Variants in MALRD1 observed in about 807,000 individuals in gnomAD.
MALRD1 encodes the protein MAM and LDL-receptor class A domain-containing protein 1.
Under a neutral mutation model 242.1 loss-of-function variants are expected in MALRD1, and 247 were observed. The ratio of observed to expected loss-of-function variants is 1.02; its 90% CI spans 0.92 to 1.13. The LOEUF is 1.13. Ranked by LOEUF, MALRD1 falls within the 50% of genes most tolerant of loss-of-function variation. The pLI is 0.00. For missense variants in MALRD1, 2,989 were observed against 2,533.1 expected, an observed-to-expected ratio of 1.18 and a Z score of -3.86; for synonymous variants, 995 against 866.6, an observed-to-expected ratio of 1.15 and a Z score of -2.60.
chr10:19,723,779 A>T (rs989929258), intron 38 of MALRD1, among the ~76,000 whole-genome samples: 1 of 151,370 alleles, frequency 6.6e-6, no homozygotes, highest in African/African-American at 2.4e-5. Context: ...CTTTTGAGCT[A>T]AGTTTTCTTT....
At chr10:19,117,456 T>C (rs1313828918) in intron 5 of MALRD1, among the ~76,000 whole-genome samples, 1 of 152,000 alleles carries the variant, frequency 6.6e-6, no homozygotes, top group East Asian at 1.9e-4. Context: ...GTTTTTTTTT[T>C]TGTCTTGTGT....
intron 31 of MALRD1, among the ~76,000 whole-genome samples, chr10:19,522,939 C>G (rs913547193): frequency 2.6e-5 from 4 of 152,190 alleles, no homozygotes; most frequent in African/African-American, 9.7e-5. Flanking sequence ...ATGCTACCTT[C>G]TCTATAGTAG....
chr10:19,493,480 A>G (rs1327665278), intron 30 of MALRD1, among the ~76,000 whole-genome samples: 1 of 152,036 alleles, frequency 6.6e-6, no homozygotes, highest in Non-Finnish European at 1.5e-5. Flanking sequence ...CTTATAGTTC[A>G]CTGAGTAACA....
At chr10:19,414,858 T>C (rs1163193047) in intron 28 of MALRD1, among the ~76,000 whole-genome samples, 1 of 152,118 alleles carries the variant, frequency 6.6e-6, no homozygotes, top group Non-Finnish European at 1.5e-5. Context: ...TATATAAATA[T>C]AAAAGAGAGT....
At chr10:19,448,237 A>T (rs1239773122) in intron 28 of MALRD1, among the ~76,000 whole-genome samples, 1 of 151,996 alleles carries the variant, frequency 6.6e-6, no homozygotes, top group African/African-American at 2.4e-5. Flanking sequence ...TACACATTTC[A>T]TACCTATATG....
chr10:19,375,373 A>G (rs951488336), intron 26 of MALRD1, among the ~76,000 whole-genome samples: 5 of 152,164 alleles, frequency 3.3e-5, no homozygotes, highest in African/African-American at 1.2e-4. Context: ...AGCTTGATCT[A>G]GTGTTGTGTT....
chr10:19,258,238 A>G (rs965285595), intron 19 of MALRD1, among the ~76,000 whole-genome samples: 1 of 152,104 alleles, frequency 6.6e-6, no homozygotes, highest in Non-Finnish European at 1.5e-5. Flanking sequence ...TTCCAGATAT[A>G]TATCAATTTT....
At chr10:19,281,014 T>C (rs546678346) in intron 20 of MALRD1, among the ~76,000 whole-genome samples, 13 of 152,234 alleles carry the variant, frequency 8.5e-5, no homozygotes, top group Non-Finnish European at 1.8e-4. Context: ...AGTGAAACCC[T>C]TGTTTTATGT....
chr10:19,212,054 G>A (rs576175435), intron 18 of MALRD1, among the ~76,000 whole-genome samples: 41 of 152,232 alleles, frequency 2.7e-4, no homozygotes, highest in Non-Finnish European at 3.1e-4. Flanking sequence ...GGTCAGTAAA[G>A]GCTCAGGAAA....
chr10:19,480,593 A>G (rs1055470538), intron 29 of MALRD1, among the ~76,000 whole-genome samples: 1 of 152,238 alleles, frequency 6.6e-6, no homozygotes, highest in African/African-American at 2.4e-5. Flanking sequence ...TTATTTTAAA[A>G]TGGTAATTAG....
chr10:19,564,763 G>A (rs146107209), intron 32 of MALRD1, among the ~76,000 whole-genome samples: 2 of 152,202 alleles, frequency 1.3e-5, no homozygotes, highest in East Asian at 1.9e-4. Context: ...GTTAGCCATT[G>A]TGGTTTTTCA....
At chr10:19,238,924 GTGAAC>G (rs1838628241) in intron 18 of MALRD1, among the ~76,000 whole-genome samples, 12 of 151,804 alleles carry the variant, frequency 7.9e-5, no homozygotes, top group Admixed American at 7.2e-4. Flanking sequence ...ATTCTAATGG[GTGAAC>G]TGGTATCTTA....
At chr10:19,506,094 A>C (rs995310413) in intron 31 of MALRD1, among the ~76,000 whole-genome samples, 3 of 152,198 alleles carry the variant, frequency 2.0e-5, no homozygotes, top group African/African-American at 7.2e-5. Flanking sequence ...CCTATGGGGA[A>C]GTGTATTTGC....
chr10:19,200,373 C>A (rs1564461678), intron 14 of MALRD1, among the ~76,000 whole-genome samples: 1 of 152,124 alleles, frequency 6.6e-6, no homozygotes, highest in Non-Finnish European at 1.5e-5. Flanking sequence ...TGCATCTTGC[C>A]TCTGTGGCTA....
At chr10:19,234,533 A>C (rs529962359) in intron 18 of MALRD1, among the ~76,000 whole-genome samples, 34 of 152,218 alleles carry the variant, frequency 2.2e-4, no homozygotes, top group African/African-American at 8.2e-4. Context: ...ATAACAATGA[A>C]TTAATTGCCT....
At chr10:19,511,665 T>C (rs1401831702) in intron 31 of MALRD1, among the ~76,000 whole-genome samples, 1 of 152,168 alleles carries the variant, frequency 6.6e-6, no homozygotes, top group Non-Finnish European at 1.5e-5. Context: ...GAGAAAATGG[T>C]CACATTTGGA....
intron 18 of MALRD1, among the ~76,000 whole-genome samples, chr10:19,229,326 C>T (rs533197401): frequency 6.6e-6 from 1 of 151,698 alleles, no homozygotes; most frequent in Non-Finnish European, 1.5e-5. Context: ...ATATTTACAC[C>T]AAAAGAAATT....
intron 26 of MALRD1, among the ~76,000 whole-genome samples, chr10:19,353,933 C>G (rs996509774): frequency 6.6e-6 from 1 of 151,674 alleles, no homozygotes; most frequent in African/African-American, 2.4e-5. Context: ...GTTATGTTGG[C>G]CAGGCTGGTC....
intron 38 of MALRD1, among the ~76,000 whole-genome samples, chr10:19,705,397 C>T (rs573264895): frequency 3.3e-5 from 5 of 152,162 alleles, no homozygotes; most frequent in Non-Finnish European, 7.3e-5. Flanking sequence ...TGACCGAGGT[C>T]ATCTCATAAT....
Sources: gnomAD v4.1 joint callset for allele counts (sites outside exome capture counted in the v4.1 genomes callset) on GRCh38, gnomAD v4.1.1 for gene constraint, MANE v1.5 for transcripts, NCBI Gene and HGNC (gene_info 2026-07-23, HGNC 2026-07-21) for gene names.